The following GTPBP4 variants were observed in gnomAD, a reference collection of about 807,000 sequenced individuals.
GTPBP4 encodes the protein GTP-binding protein 4.
GTPBP4 carries 15 observed loss-of-function variants against 81.7 expected under a neutral mutation model. The observed-to-expected ratio is 0.18, with a 90% CI of 0.12 to 0.28. The LOEUF is 0.28. Among genes scored for constraint, GTPBP4 ranks in the 10% least tolerant of loss-of-function variants. GTPBP4 has a pLI of 1.00. For missense variants in GTPBP4, 847 were observed against 793.8 expected (o/e 1.07, Z -0.81); for synonymous variants, 272 against 274.6 (o/e 0.99, Z 0.09).
chr10:1,010,535 T>C lies in GTPBP4; in HGVS notation c.1344+15T>C. 1 of 1,309,810 alleles carries C rather than the reference T, an allele frequency of 7.6e-7. No individual in the cohort carries two copies. Among genetic ancestry groups the C allele is most frequent in the African/African-American group, 1.4e-5 (1 of 69,346 alleles). 81.1% of individuals were successfully genotyped at this position (1,309,810 alleles called of 1,614,324 possible). A position where few individuals can be genotyped will look rare whatever the true frequency, so the allele number is the denominator to read the frequency against. On this transcript the variant is annotated intron_variant, in intron 13 of 16. Transcript: ENST00000360803. ...CCATCATGAAGGTTTGTGTCACTTT[T>C]TAAATTGCGGATTGTTTTCCTTTTT...
chr10:1,019,644 T>G lies in GTPBP4; in HGVS notation c.*2417T>G. On this transcript the variant is annotated 3_prime_UTR_variant, in exon 17 of 17. Transcript: ENST00000360803. Reference sequence around the variant, plus strand: ...GGTGACTTTGACTTCACCCCTCGCCTCCCTCTCCAGCAGCTCCCACAGCTC... The same window carrying G: ...GGTGACTTTGACTTCACCCCTCGCCGCCCTCTCCAGCAGCTCCCACAGCTC... 6.2e-7 allele frequency: 1 copy of G among 1,613,972 alleles called. No individual in the cohort carries two copies. Among genetic ancestry groups the G allele is most frequent in the East Asian group, 2.2e-5 (1 of 44,836 alleles).
intron 9 of GTPBP4, 38 bp from the exon 10 acceptor site, chr10:1,006,970 CTGCTGGAGGA>C (rs764803007): frequency 3.5e-6 from 4 of 1,136,924 alleles, no homozygotes; most frequent in Non-Finnish European, 5.4e-6. Flanking sequence ...TAGCTGGAGG[CTGCTGGAGGA>C]TGCGTTTGTG....
intron 9 of GTPBP4, among the ~76,000 whole-genome samples, chr10:1,006,365 G>A (rs1589028184): frequency 1.3e-5 from 2 of 152,204 alleles, no homozygotes; most frequent in South Asian, 4.1e-4. Flanking sequence ...CTGGCCAGGC[G>A]CAGTGGCTCA....
chr10:1,013,667 C>T (rs188905331), intron 14 of GTPBP4, among the ~76,000 whole-genome samples: 1 of 152,220 alleles, frequency 6.6e-6, no homozygotes, highest in East Asian at 1.9e-4. Flanking sequence ...AGAAACCTGA[C>T]GCAGTCTACA....
intron 2 of GTPBP4, among the ~76,000 whole-genome samples, chr10:993,073 C>T (rs1440106510): frequency 1.3e-5 from 2 of 151,942 alleles, no homozygotes; most frequent in Admixed American, 1.3e-4. Context: ...CAGCTTGGGT[C>T]AGTGGTGTAA....
intron 15 of GTPBP4, among the ~76,000 whole-genome samples, chr10:1,015,203 C>G (rs1188809873): frequency 6.6e-6 from 1 of 152,240 alleles, no homozygotes; most frequent in Admixed American, 6.5e-5. Context: ...TGACCAACAA[C>G]TAATGTGAAA....
rs1831529737 is a variant in GTPBP4 at position 995,914 on chromosome 10, TTTTG to T, written c.220-8_220-5del. 2 of 1,495,960 alleles carry T rather than the reference TTTTG, an allele frequency of 1.3e-6. No homozygotes were observed. The allele number at this position is 1,495,960 out of a possible 1,614,324, so 92.7% of individuals were successfully genotyped here. ...CTGGCCCCAAGTGACCGTGGTGTGCTTTTGTTTGTTACAGGATATTCATCCGTTC... is the reference window on the plus strand; with the variant it reads ...CTGGCCCCAAGTGACCGTGGTGTGCTTTTGTTACAGGATATTCATCCGTTC... On this transcript the variant is annotated splice_polypyrimidine_tract_variant and intron_variant, in intron 2 of 16. Coordinates refer to ENST00000360803, the MANE Select transcript of GTPBP4 (RefSeq NM_012341.3).
At chr10:1,014,114 A>G (rs1402970143) in intron 14 of GTPBP4, 133 bp from the exon 15 acceptor site, 1 of 561,050 alleles carries the variant, frequency 1.8e-6, no homozygotes, top group Non-Finnish European at 3.2e-6. Flanking sequence ...GCGGGGCCCA[A>G]TAAAAATTAC....
At chr10:1,001,338 G>C (rs1377651319) in intron 8 of GTPBP4, among the ~76,000 whole-genome samples, 2 of 152,194 alleles carry the variant, frequency 1.3e-5, no homozygotes, top group African/African-American at 2.4e-5. Context: ...TCATAAAACA[G>C]GTTCTGTGAT....
intron 14 of GTPBP4, among the ~76,000 whole-genome samples, chr10:1,013,463 A>G (rs1403501818): frequency 1.4e-5 from 2 of 147,328 alleles, no homozygotes; most frequent in African/African-American, 4.9e-5. Flanking sequence ...CAGAAAAATT[A>G]GCTGGGCGTG....
rs1384925803 is a variant in GTPBP4 at position 1,015,530 on chromosome 10, G to A, written c.1609-223G>A. Among the ~76,000 whole-genome samples, 40 of 66,910 alleles carry A rather than the reference G, an allele frequency of 6.0e-4. 3 individuals are homozygous for A. Among genetic ancestry groups the A allele is most frequent in the African/African-American group, 1.4e-3 (26 of 18,262 alleles). 43.9% of individuals were successfully genotyped at this position (66,910 alleles called of 152,430 possible). On this transcript the variant is annotated intron_variant, in intron 15 of 16. Transcript: ENST00000360803. Reference sequence around the variant, plus strand: ...TCCTGAGCTCTGAGCCTGGGAGCGGGGCTGGGGTCCTGAGCGCTGAGCCTG... The same window carrying A: ...TCCTGAGCTCTGAGCCTGGGAGCGGAGCTGGGGTCCTGAGCGCTGAGCCTG...
rs896160614 is a variant in GTPBP4 at position 1,018,565 on chromosome 10, T to C, written c.*1338T>C. On this transcript the variant is annotated 3_prime_UTR_variant, in exon 17 of 17. Coordinates refer to ENST00000360803, the MANE Select transcript of GTPBP4 (RefSeq NM_012341.3). ...AGCTCATGCCTGTAATCCCAGCACTTTGGGAGGCCGAGGCAGGCGGATCAC... is the reference window on the plus strand; with the variant it reads ...AGCTCATGCCTGTAATCCCAGCACTCTGGGAGGCCGAGGCAGGCGGATCAC... The C allele has an allele frequency of 2.0e-5, 3 of 151,654 alleles. No individual in the cohort carries two copies. The highest frequency in any genetic ancestry group is 7.3e-5 in the African/African-American group (3 of 41,222). The allele number at this position is 151,654 out of a possible 1,614,324, so 9.4% of individuals were successfully genotyped here.
intron 11 of GTPBP4, 60 bp downstream of exon 11, chr10:1,009,095 A>G: frequency 7.8e-7 from 1 of 1,277,508 alleles, no homozygotes; most frequent in Middle Eastern, 2.2e-4. Context: ...GTGTGTGCCC[A>G]TCGTGGGGGC....
chr10:1,017,310 C>A lies in GTPBP4; in HGVS notation c.*83C>A. 3.1e-6 allele frequency: 4 copies of A among 1,277,526 alleles called. No homozygotes were observed. Among genetic ancestry groups the A allele is most frequent in the South Asian group, 1.4e-5 (1 of 73,272 alleles). The allele number at this position is 1,277,526 out of a possible 1,614,324, so 79.1% of individuals were successfully genotyped here. Reference sequence around the variant, plus strand: ...ACAGTATGGTTTCATGAAATTGGAGCTCTGTATAAACTGAAAAAGACAAAA... The same window carrying A: ...ACAGTATGGTTTCATGAAATTGGAGATCTGTATAAACTGAAAAAGACAAAA... On this transcript the variant is annotated 3_prime_UTR_variant, in exon 17 of 17. Coordinates refer to ENST00000360803, the MANE Select transcript of GTPBP4 (RefSeq NM_012341.3).
In GTPBP4 at chr10:1,019,554, G is replaced by A. The variant is rs1832051573; in HGVS notation, c.*2327G>A. 6.2e-7 allele frequency: 1 copy of A among 1,613,658 alleles called. No individual in the cohort carries two copies. Among genetic ancestry groups the A allele is most frequent in the South Asian group, 1.1e-5 (1 of 91,058 alleles). On this transcript the variant is annotated 3_prime_UTR_variant, in exon 17 of 17. Coordinates refer to ENST00000360803, the MANE Select transcript of GTPBP4 (RefSeq NM_012341.3). ...TATTTTGTGAAGCTCCACAAACGGG[G>A]TCACGTCATCCAGGTGAGGCCACCA... is the stretch of plus-strand genomic sequence containing the variant.
chr10:993,527 G>A (rs189979001), intron 2 of GTPBP4, among the ~76,000 whole-genome samples: 12 of 152,228 alleles, frequency 7.9e-5, no homozygotes, highest in Admixed American at 5.9e-4. Flanking sequence ...GATTACAGGC[G>A]TGAGCCACCA....
At chr10:1,004,845 T>G (rs886383230) in intron 8 of GTPBP4, among the ~76,000 whole-genome samples, 1 of 152,116 alleles carries the variant, frequency 6.6e-6, no homozygotes, top group African/African-American at 2.4e-5. Context: ...AGGGGAGCTG[T>G]GGCCACTTCC....
In GTPBP4 at chr10:1,019,683, T is replaced by C. The variant is rs1832055505; in HGVS notation, c.*2456T>C. ...CTCCCACAGCTCCTCCTGGGACAGG[T>C]AGAGGATGCTTTTCGTTTCACTGGG... On this transcript the variant is annotated 3_prime_UTR_variant, in exon 17 of 17. Coordinates refer to ENST00000360803, the MANE Select transcript of GTPBP4 (RefSeq NM_012341.3). 6.2e-7 allele frequency: 1 copy of C among 1,613,966 alleles called. No individual in the cohort carries two copies. Among genetic ancestry groups the C allele is most frequent in the South Asian group, 1.1e-5 (1 of 91,074 alleles).
At chr10:995,826 A>G in intron 2 of GTPBP4, 103 bp from the exon 3 acceptor site, 1 of 670,874 alleles carries the variant, frequency 1.5e-6, no homozygotes, top group South Asian at 1.8e-5. Flanking sequence ...TGGGGAGGAG[A>G]CACTGCAGGC....
Sources: allele counts gnomAD v4.1 joint callset (sites outside exome capture counted in the v4.1 genomes callset), GRCh38; gene constraint gnomAD v4.1.1; transcripts MANE v1.5; gene names NCBI Gene and HGNC (gene_info 2026-07-23, HGNC 2026-07-21).